BIRC2: variants seen among roughly 807,000 people sequenced by gnomAD.
The protein encoded by BIRC2 is baculoviral IAP repeat-containing protein 2.
Under a neutral mutation model 60.9 loss-of-function variants are expected in BIRC2, and 18 were observed. That is an observed-to-expected ratio of 0.30 (90% CI 0.20 to 0.44). The LOEUF is 0.44. Ranked by LOEUF, BIRC2 falls within the 20% of genes least tolerant of loss-of-function variation. BIRC2 has a pLI of 1.00. For synonymous variants in BIRC2, 282 were observed against 247.7 expected (o/e 1.14, Z -1.30); for missense variants, 701 against 728.5 (o/e 0.96, Z 0.43).
At chr11:102,369,956 A>G (rs1951608346) in intron 6 of BIRC2, among the ~76,000 whole-genome samples, 1 of 151,958 alleles carries the variant, frequency 6.6e-6, no homozygotes, top group Non-Finnish European at 1.5e-5. Flanking sequence ...GGCTGCATAA[A>G]TGTCTTCTTT....
rs1162889798 is a variant in BIRC2, at chr11:102,377,687, G to T, written c.1558G>T (p.Ala520Ser). The T allele has an allele frequency of 2.5e-6, 4 of 1,611,174 alleles. No individual in the cohort carries two copies. The highest frequency in any genetic ancestry group is 3.4e-6 in the Non-Finnish European group (4 of 1,179,360). The change falls in exon 7 of 9, where the codon GCG becomes TCG. Residue 520 changes from alanine to serine, a missense_variant. Transcript: ENST00000227758. ...IDTILVKGNA[A>S]ANIFKNCLKE... ...TACCATTTTGGTTAAAGGAAATGCT[G>T]CGGCCAACATCTTCAAAAACTGTCT... is the stretch of plus-strand genomic sequence containing the variant.
intron 5 of BIRC2, among the ~76,000 whole-genome samples, chr11:102,367,383 T>C (rs948604783): frequency 1.3e-5 from 2 of 152,150 alleles, no homozygotes; most frequent in African/African-American, 4.8e-5. Flanking sequence ...ATAAAGTATT[T>C]CCTCAAGGCA....
chr11:102,370,790 AC>A (rs1394744712), intron 6 of BIRC2, among the ~76,000 whole-genome samples: 1 of 87,548 alleles, frequency 1.1e-5, no homozygotes, highest in Non-Finnish European at 2.1e-5. Flanking sequence ...GATTCTTCCT[AC>A]CCATGAGCAT....
At chr11:102,351,860 A>T (rs1261954085) in intron 3 of BIRC2, among the ~76,000 whole-genome samples, 1 of 152,034 alleles carries the variant, frequency 6.6e-6, no homozygotes. Flanking sequence ...TTGTAAAATG[A>T]GGAGGGGTTG....
At chr11:102,374,432 AGGTGTCAGTGTGC>A (rs1162900373) in intron 6 of BIRC2, among the ~76,000 whole-genome samples, 1 of 147,854 alleles carries the variant, frequency 6.8e-6, no homozygotes, top group Admixed American at 6.7e-5. Context: ...CTGCCGTGTG[AGGTGTCAGTGTGC>A]CCCTGCTGGG....
At chr11:102,354,944 GTTTTTT>G (rs61520984) in intron 3 of BIRC2, among the ~76,000 whole-genome samples, 4 of 89,650 alleles carry the variant, frequency 4.5e-5, no homozygotes, top group Middle Eastern at 8.9e-3. Context: ...AATTATTTGG[GTTTTTT>G]TTTTTTTTTT....
At chr11:102,368,285 A>T (rs1409944603) in intron 5 of BIRC2, 21 bp from the exon 6 acceptor site, 1 of 1,602,884 alleles carries the variant, frequency 6.2e-7, no homozygotes, top group East Asian at 2.2e-5. Context: ...ATTTAATATT[A>T]GCATGTTTCT....
intron 4 of BIRC2, 107 bp downstream of exon 4, chr11:102,363,081 G>A (rs2135813658): frequency 3.8e-6 from 3 of 785,762 alleles, no homozygotes; most frequent in Middle Eastern, 3.3e-4. Flanking sequence ...GAAAGTCATG[G>A]CCAAAACCGT....
intron 6 of BIRC2, among the ~76,000 whole-genome samples, chr11:102,373,159 C>T (rs2135822871): frequency 6.6e-6 from 1 of 151,606 alleles, no homozygotes; most frequent in African/African-American, 2.4e-5. Flanking sequence ...AGCATTTAGT[C>T]CATTTACATT....
Position 102,351,396 on chromosome 11 carries a change from C to T in BIRC2, c.995+453C>T, listed in dbSNP as rs568378370. On this transcript the variant is annotated intron_variant, in intron 3 of 8. Coordinates refer to ENST00000227758, the MANE Select transcript of BIRC2 (RefSeq NM_001166.5). ...TTGGGAGGCCGAGATAGGTGGATCA[C>T]CTGAGGTCAGGAGTTTGAGACCAGC... 2.0e-5 allele frequency among the ~76,000 whole-genome samples: 3 copies of T among 152,084 alleles called. No homozygotes were observed. The South Asian group carries it at 6.2e-4, about 32-fold the overall frequency.
rs752405825 is a variant in BIRC2, at chr11:102,347,307, G to C, written c.-1327G>C. 2.6e-5 allele frequency: 4 copies of C among 152,332 alleles called. No individual in the cohort carries two copies. The highest frequency in any genetic ancestry group is 5.9e-5 in the Non-Finnish European group (4 of 68,106). 9.4% of individuals were successfully genotyped at this position (152,332 alleles called of 1,614,324 possible). A position where few individuals can be genotyped will look rare whatever the true frequency, so the allele number is the denominator to read the frequency against. On this transcript the variant is annotated 5_prime_UTR_variant, in exon 1 of 9. Coordinates refer to ENST00000227758, the MANE Select transcript of BIRC2 (RefSeq NM_001166.5). ...CGGGCCGTATCTCCTTGTCGGCGCC[G>C]CTGATTCCCGGCTCTGCGGAGGCCT...
At chr11:102,373,349 T>C (rs1015965469) in intron 6 of BIRC2, among the ~76,000 whole-genome samples, 1 of 152,230 alleles carries the variant, frequency 6.6e-6, no homozygotes, top group African/African-American at 2.4e-5. Context: ...CGGAGCTCTT[T>C]TAGGGCAGGC....
In BIRC2 at chr11:102,369,317, C is replaced by CCCCCA. The variant is rs1033733099; in HGVS notation, c.1366+777_1366+781dup. Among the ~76,000 whole-genome samples the CCCCCA allele has an allele frequency of 3.6e-4, 40 of 111,454 alleles. No homozygotes were observed. The East Asian group carries it at 0.012, about 33-fold the overall frequency. 73.1% of individuals were successfully genotyped at this position (111,454 alleles called of 152,430 possible). ...CTCCCAATGCTATCCCTCCCCCCTC[C>CCCCCA]CCCCACCCCACCACAGTCCCCAGAG... On this transcript the variant is annotated intron_variant, in intron 6 of 8. Transcript: ENST00000227758.
In BIRC2 at chr11:102,353,529, T is replaced by A. The variant is rs190455009; in HGVS notation, c.995+2586T>A. ...GACGCAGTTTCGCTATGTTGGCCAG[T>A]CTAGTCTCAAACTTCTGACCTCAAG... On this transcript the variant is annotated intron_variant, in intron 3 of 8. Coordinates refer to ENST00000227758, the MANE Select transcript of BIRC2 (RefSeq NM_001166.5). 1.1e-3 allele frequency among the ~76,000 whole-genome samples: 174 copies of A among 152,036 alleles called. 1 individual carries two copies. The highest frequency in any genetic ancestry group is 3.4e-3 in the Middle Eastern group (1 of 294).
In BIRC2 at chr11:102,350,809, C is replaced by T. The variant is rs368472149; in HGVS notation, c.896-35C>T. ...ATTTTAATTTACATATTAGAACATA[C>T]GTGTTTTCAATATTTAGTCTTTTTT... On this transcript the variant is annotated intron_variant, in intron 2 of 8. Transcript: ENST00000227758. The T allele has an allele frequency of 8.8e-5, 141 of 1,610,026 alleles. No individual in the cohort carries two copies. In the East Asian group the frequency reaches 2.1e-3, roughly 24 times the overall value.
chr11:102,375,331 C>T (rs764912744), intron 6 of BIRC2, among the ~76,000 whole-genome samples: 2 of 152,076 alleles, frequency 1.3e-5, no homozygotes, highest in African/African-American at 2.4e-5. Context: ...AGCAGAGAGG[C>T]GAAGGTTGCA....
chr11:102,358,410 A>G (rs1224167342), intron 3 of BIRC2, among the ~76,000 whole-genome samples: 1 of 152,200 alleles, frequency 6.6e-6, no homozygotes, highest in African/African-American at 2.4e-5. Context: ...AAATCTAAAA[A>G]ATGTAAAATT....
At position 102,377,703 on chromosome 11, in the gene BIRC2, A is replaced by T; in HGVS notation, c.1574A>T (p.Lys525Ile). 6.2e-7 allele frequency: 1 copy of T among 1,609,088 alleles called. No individual in the cohort carries two copies. The highest frequency in any genetic ancestry group is 8.5e-7 in the Non-Finnish European group (1 of 1,178,934). Reference sequence around the variant, plus strand: ...GGAAATGCTGCGGCCAACATCTTCAAAAACTGTCTAAAAGAAATTGACTCT... The same window carrying T: ...GGAAATGCTGCGGCCAACATCTTCATAAACTGTCTAAAAGAAATTGACTCT... ...VKGNAAANIF[K>I]NCLKEIDSTL... is the part of the protein sequence containing the mutation. Residue 525 changes from lysine (K) to isoleucine (I), a missense_variant, in exon 7 of 9, where the codon AAA becomes ATA. By Grantham distance (102) the Lys-to-Ile change is moderately radical. Around this residue, in one of 4 missense-constraint regions of BIRC2, gnomAD observed 235 missense variants for 208.9 expected, o/e 1.12. Coordinates refer to ENST00000227758, the MANE Select transcript of BIRC2 (RefSeq NM_001166.5).
At chr11:102,371,726 A>G (rs1951634273) in intron 6 of BIRC2, among the ~76,000 whole-genome samples, 2 of 148,440 alleles carry the variant, frequency 1.3e-5, no homozygotes, top group Admixed American at 6.7e-5. Flanking sequence ...TGATTGGAAT[A>G]GTTTCAGAAG....
Sources: allele counts gnomAD v4.1 joint callset (sites outside exome capture counted in the v4.1 genomes callset), GRCh38; gene constraint gnomAD v4.1.1; regional missense constraint gnomAD v4.1.1; transcripts MANE v1.5; gene names NCBI Gene and HGNC (gene_info 2026-07-23, HGNC 2026-07-21).